KDM4B: variants seen among roughly 807,000 people sequenced by gnomAD.
KDM4B encodes the protein lysine demethylase 4B, also known as lysine-specific demethylase 4B.
A neutral mutation model predicts 125.2 loss-of-function variants in KDM4B; 32 were observed. That is an observed-to-expected ratio of 0.26 (90% CI 0.19 to 0.34). The LOEUF (loss-of-function observed/expected upper bound fraction) is 0.34. Among genes scored for constraint, KDM4B ranks in the 10% least tolerant of loss-of-function variants. The pLI is 1.00. For synonymous variants in KDM4B, 721 were observed against 677.9 expected, an observed-to-expected ratio of 1.06 and a Z score of -0.99; for missense variants, 1,190 against 1,577.7, an observed-to-expected ratio of 0.75 and a Z score of 4.16.
chr19:5,096,607 GC>G (rs2038829003), intron 9 of KDM4B, among the ~76,000 whole-genome samples: 1 of 150,268 alleles, frequency 6.7e-6, no homozygotes. Context: ...GCCTGTTGCC[GC>G]GGTGCCCCCG....
intron 5 of KDM4B, among the ~76,000 whole-genome samples, chr19:5,046,033 T>G (rs1255333365): frequency 6.6e-6 from 1 of 152,258 alleles, no homozygotes; most frequent in African/African-American, 2.4e-5. Flanking sequence ...CTTGTCTTTC[T>G]CTTACGGATC....
At chr19:5,092,154 C>T (rs2038721602) in intron 9 of KDM4B, among the ~76,000 whole-genome samples, 1 of 152,136 alleles carries the variant, frequency 6.6e-6, no homozygotes, top group Admixed American at 6.5e-5. Context: ...GGAGGGTGAT[C>T]TAGGAGAGGA....
intron 9 of KDM4B, among the ~76,000 whole-genome samples, chr19:5,091,975 C>T (rs2145919521): frequency 6.6e-6 from 1 of 152,358 alleles, no homozygotes; most frequent in South Asian, 2.1e-4. Context: ...CACTCTGACC[C>T]TGGTGAGGCC....
chr19:5,142,687 C>A lies in KDM4B; in HGVS notation c.2551-1280C>A, dbSNP rs1177924832. ...CTCCCCAGGGAGCACAGCCTCCACT[C>A]CTACACACTGGCTACTCTGCCGGAG... On this transcript the variant is annotated intron_variant, in intron 18 of 22. Coordinates refer to ENST00000159111, the MANE Select transcript of KDM4B (RefSeq NM_015015.3). This position sits in a 1 kb window ranked among gnomAD's most constrained non-coding sequence, Gnocchi z 5.4. Among the ~76,000 whole-genome samples the A allele has an allele frequency of 6.6e-6, 1 of 152,110 alleles. No individual in the cohort carries two copies. The highest frequency in any genetic ancestry group is 1.9e-4 in the East Asian group (1 of 5,166).
At chr19:5,022,386 C>G (rs2531128) in intron 2 of KDM4B, among the ~76,000 whole-genome samples, 1 of 152,202 alleles carries the variant, frequency 6.6e-6, no homozygotes, top group African/African-American at 2.4e-5. Context: ...GGCCACCGTG[C>G]TGAGGTGTGG....
rs1423751777 is a variant in KDM4B at position 5,043,328 on chromosome 19, A to C, written c.432+2077A>C. Among the ~76,000 whole-genome samples the C allele has an allele frequency of 2.4e-5, 3 of 124,994 alleles. 1 individual carries two copies. The highest frequency in any genetic ancestry group is 2.6e-4 in the South Asian group (1 of 3,798). The allele number at this position is 124,994 out of a possible 152,430, so 82.0% of individuals were successfully genotyped here. ...CTGTGTTTATCGGAGTGGGGTGTCC[A>C]CCTTATCCTGCGCAGCATTTATCGG... On this transcript the variant is annotated intron_variant, in intron 5 of 22. Transcript: ENST00000159111.
chr19:5,012,774 C>T (rs2035770113), intron 1 of KDM4B, among the ~76,000 whole-genome samples: 2 of 152,192 alleles, frequency 1.3e-5, no homozygotes, highest in Admixed American at 6.5e-5. Context: ...GGGTTGGAGC[C>T]GTGTGGCTGT....
At chr19:5,032,827 C>T (rs1030286210) in intron 2 of KDM4B, 39 bp from the exon 3 acceptor site, 36 of 1,571,612 alleles carry the variant, frequency 2.3e-5, no homozygotes, top group Non-Finnish European at 3.0e-5. Flanking sequence ...CTGGGCATGG[C>T]GGCACCGCTG....
intron 3 of KDM4B, among the ~76,000 whole-genome samples, chr19:5,038,416 G>C (rs2036699218): frequency 1.3e-5 from 2 of 152,236 alleles, no homozygotes; most frequent in Non-Finnish European, 2.9e-5. Flanking sequence ...TGGTCCCTCA[G>C]CTCCTGGATG....
intron 9 of KDM4B, among the ~76,000 whole-genome samples, chr19:5,091,837 G>C (rs1034359189): frequency 2.6e-5 from 4 of 152,194 alleles, no homozygotes; most frequent in Admixed American, 2.0e-4. Flanking sequence ...CGGCTGGCCT[G>C]TGCCCTGCCT....
At chr19:5,060,162 G>A (rs1293540950) in intron 6 of KDM4B, among the ~76,000 whole-genome samples, 1 of 152,162 alleles carries the variant, frequency 6.6e-6, no homozygotes, top group African/African-American at 2.4e-5. Flanking sequence ...GCCATGGGCC[G>A]GGCATGGTGG....
chr19:5,088,740 G>A (rs1387788701), intron 9 of KDM4B, among the ~76,000 whole-genome samples: 2 of 150,024 alleles, frequency 1.3e-5, no homozygotes, highest in African/African-American at 4.9e-5. Context: ...TCCTCAAGAG[G>A]CAGAGGAGCA....
At chr19:5,125,164 A>G (rs1224490093) in intron 11 of KDM4B, among the ~76,000 whole-genome samples, 1 of 152,220 alleles carries the variant, frequency 6.6e-6, no homozygotes, top group Non-Finnish European at 1.5e-5. Context: ...CTGGGATTAC[A>G]GGTATGAGCC....
intron 1 of KDM4B, among the ~76,000 whole-genome samples, chr19:4,987,754 G>A (rs546958368): frequency 1.3e-5 from 2 of 152,268 alleles, no homozygotes; most frequent in South Asian, 4.1e-4. Context: ...CCTCTCTGGT[G>A]GCTGTCAGGA....
intron 11 of KDM4B, among the ~76,000 whole-genome samples, chr19:5,128,967 C>T (rs533620023): frequency 3.8e-4 from 58 of 152,112 alleles, no homozygotes; most frequent in African/African-American, 1.1e-3. Flanking sequence ...GCTCCCCTGC[C>T]GGGGTGGAGG....
rs1599271744 is a variant in KDM4B, at chr19:5,144,391, C to T, written c.2880C>T (p.Asn960=). 3 of 1,564,628 alleles carry T rather than the reference C, an allele frequency of 1.9e-6. No homozygotes were observed. The highest frequency in any genetic ancestry group is 1.7e-6 in the Non-Finnish European group (2 of 1,154,466). ...TCGACGATGGCTCCTACAGCGACAA[C>T]CTGTACCCTGAGAGCATCACGGTGA... ...VNFDDGSYSD[N]LYPESITSRD... The change falls in exon 20 of 23, where the codon AAC becomes AAT. Residue 960 remains asparagine, a synonymous_variant. Coordinates refer to ENST00000159111, the MANE Select transcript of KDM4B (RefSeq NM_015015.3).
At position 5,035,182 on chromosome 19, in the gene KDM4B, C is replaced by T. The variant is rs893783769; in HGVS notation, c.141+2151C>T. Among the ~76,000 whole-genome samples the T allele has an allele frequency of 1.3e-5, 2 of 152,190 alleles. No homozygotes were observed. ...TATCCCAGGAAAGGCCCAGGTCCTC[C>T]TCTTCCTCCTCTCCCTGGTGCACAT... On this transcript the variant is annotated intron_variant, in intron 3 of 22. Coordinates refer to ENST00000159111, the MANE Select transcript of KDM4B (RefSeq NM_015015.3). This position sits in a 1 kb window ranked among gnomAD's most constrained non-coding sequence, Gnocchi z 5.3.
intron 5 of KDM4B, among the ~76,000 whole-genome samples, chr19:5,043,827 C>A (rs2036926329): frequency 7.9e-6 from 1 of 126,842 alleles, no homozygotes; most frequent in African/African-American, 3.2e-5. Context: ...AGTGGGGTGT[C>A]CACCTTATCC....
chr19:5,083,426 G>A (rs545116491), intron 9 of KDM4B, among the ~76,000 whole-genome samples: 5 of 152,314 alleles, frequency 3.3e-5, no homozygotes, highest in East Asian at 3.9e-4. Flanking sequence ...TGTGGGACCC[G>A]GGAAGGGAAG....
Sources: gnomAD v4.1 joint callset for allele counts (sites outside exome capture counted in the v4.1 genomes callset) on GRCh38, gnomAD v4.1.1 for gene constraint, Gnocchi (gnomAD v3.1) non-coding constraint, MANE v1.5 for transcripts, NCBI Gene and HGNC (gene_info 2026-07-23, HGNC 2026-07-21) for gene names.